Variants in DLG2 observed in about 807,000 individuals in gnomAD.
DLG2 encodes discs large MAGUK scaffold protein 2, also known as disks large homolog 2.
A neutral mutation model predicts 132.5 loss-of-function variants in DLG2; 45 were observed. That is an observed-to-expected ratio of 0.34 (90% CI 0.27 to 0.44). DLG2 has a LOEUF of 0.44. DLG2 is among the 20% of genes least tolerant of loss of function. DLG2 has a pLI of 1.00. For synonymous variants in DLG2, 424 were observed against 419.6 expected (o/e 1.01, Z -0.13); for missense variants, 1,045 against 1,196.9 (o/e 0.87, Z 1.87).
Position 83,889,862 on chromosome 11 carries a change from A to G in DLG2, c.1497-15374T>C, listed in dbSNP as rs2069182444. Among the ~76,000 whole-genome samples, 6 of 151,402 alleles carry G rather than the reference A, an allele frequency of 4.0e-5. No homozygotes were observed. In the South Asian group the frequency reaches 1.3e-3, roughly 32 times the overall value. On this transcript the variant is annotated intron_variant, in intron 15 of 27. Transcript: ENST00000376104. ...ATTCTCAGTAAACTATCGCAAGAAC[A>G]AAAAACCAAATACCGCATATTCTCA...
chr11:85,428,519 G>A (rs1448537840), intron 3 of DLG2, among the ~76,000 whole-genome samples: 1 of 152,210 alleles, frequency 6.6e-6, no homozygotes, highest in Non-Finnish European at 1.5e-5. Flanking sequence ...ACCTGCTCCT[G>A]TATGACTACT....
At chr11:84,606,790 G>T (rs1188257273) in intron 6 of DLG2, among the ~76,000 whole-genome samples, 1 of 152,018 alleles carries the variant, frequency 6.6e-6, no homozygotes, top group Non-Finnish European at 1.5e-5. Context: ...GAAGAAAAAG[G>T]TCATAGGAGA....
chr11:85,381,835 ATAAAG>A (rs938839992), intron 3 of DLG2, among the ~76,000 whole-genome samples: 5 of 152,182 alleles, frequency 3.3e-5, no homozygotes, highest in African/African-American at 9.6e-5. Context: ...CATTGTTGAA[ATAAAG>A]TAAAGATATA....
intron 9 of DLG2, among the ~76,000 whole-genome samples, chr11:84,125,341 T>C (rs2094126411): frequency 6.6e-6 from 1 of 152,182 alleles, no homozygotes; most frequent in African/African-American, 2.4e-5. Context: ...TTATGTAGCA[T>C]GGACCATAAC....
intron 18 of DLG2, among the ~76,000 whole-genome samples, chr11:83,736,927 G>C (rs2091975338): frequency 6.6e-6 from 1 of 152,060 alleles, no homozygotes; most frequent in Non-Finnish European, 1.5e-5. Flanking sequence ...ACAGAATTTG[G>C]GACACTGTGG....
At position 85,109,881 on chromosome 11, in the gene DLG2, C is replaced by A. The variant is rs151325042; in HGVS notation, c.357+1780G>T. Among the ~76,000 whole-genome samples the A allele has an allele frequency of 1.9e-4, 29 of 152,190 alleles. No individual in the cohort carries two copies. The East Asian group carries it at 5.2e-3, about 27-fold the overall frequency. On this transcript the variant is annotated intron_variant, in intron 6 of 27. Transcript: ENST00000376104. ...GAATGATGAAGAGGAGAAATAGAAA[C>A]TACCAGCCTAAGAGGGTAAAATACC... is the stretch of plus-strand genomic sequence containing the variant.
intron 16 of DLG2, among the ~76,000 whole-genome samples, chr11:83,863,607 T>C (rs1289024940): frequency 2.6e-5 from 4 of 152,124 alleles, no homozygotes; most frequent in African/African-American, 9.7e-5. Flanking sequence ...TCCCTACTTG[T>C]ATCTACTGTT....
chr11:84,779,196 A>ATG (rs1555217700), intron 6 of DLG2, among the ~76,000 whole-genome samples: 208 of 94,058 alleles, frequency 2.2e-3, no homozygotes, highest in Middle Eastern at 6.4e-3. Flanking sequence ...ATATGTGCGC[A>ATG]CACACACACA....
chr11:84,384,439 G>A (rs1429784186), intron 7 of DLG2, among the ~76,000 whole-genome samples: 2 of 152,068 alleles, frequency 1.3e-5, no homozygotes, highest in Non-Finnish European at 2.9e-5. Context: ...GTCGAAGATA[G>A]TTGGGATAGT....
chr11:84,903,715 T>C (rs1341126561), intron 6 of DLG2, among the ~76,000 whole-genome samples: 1 of 152,166 alleles, frequency 6.6e-6, no homozygotes, highest in Non-Finnish European at 1.5e-5. Flanking sequence ...GTTCTTTCTC[T>C]ACTTCAAAAA....
chr11:84,234,170 T>G (rs2097129818), intron 8 of DLG2, among the ~76,000 whole-genome samples: 1 of 152,142 alleles, frequency 6.6e-6, no homozygotes, highest in Non-Finnish European at 1.5e-5. Context: ...GGGGAAGAGA[T>G]GCAAGACCCT....
chr11:83,898,211 A>C (rs1195127425), intron 15 of DLG2, among the ~76,000 whole-genome samples: 1 of 152,162 alleles, frequency 6.6e-6, no homozygotes. Flanking sequence ...ATAAATATAT[A>C]TTTATAAACA....
At chr11:84,679,249 T>TA (rs769593991) in intron 6 of DLG2, among the ~76,000 whole-genome samples, 10 of 152,056 alleles carry the variant, frequency 6.6e-5, no homozygotes, top group Non-Finnish European at 1.5e-4. Flanking sequence ...CTGCAGAATA[T>TA]AATGATTGAT....
intron 6 of DLG2, among the ~76,000 whole-genome samples, chr11:84,746,443 T>TA (rs35862778): frequency 0.46 from 67,253 of 144,912 alleles, 15,983 homozygotes; most frequent in Non-Finnish European, 0.55. Context: ...TAGACTTGAT[T>TA]AAAAAAAAAA....
At chr11:84,080,297 G>T (rs1284558249) in intron 10 of DLG2, among the ~76,000 whole-genome samples, 1 of 152,130 alleles carries the variant, frequency 6.6e-6, no homozygotes, top group Non-Finnish European at 1.5e-5. Context: ...CAATGACAGT[G>T]AATCAGCTTA....
intron 6 of DLG2, among the ~76,000 whole-genome samples, chr11:85,004,302 TC>T (rs1201816203): frequency 1.3e-5 from 2 of 152,210 alleles, no homozygotes; most frequent in East Asian, 3.8e-4. Context: ...CAAACTGCCT[TC>T]CACAACGGTT....
At chr11:83,985,839 A>C (rs1162711718) in intron 11 of DLG2, among the ~76,000 whole-genome samples, 1 of 152,046 alleles carries the variant, frequency 6.6e-6, no homozygotes, top group East Asian at 1.9e-4. Context: ...TATCTTTATA[A>C]TAGAATGATA....
intron 6 of DLG2, among the ~76,000 whole-genome samples, chr11:84,623,290 A>C (rs1019090303): frequency 6.6e-6 from 1 of 152,162 alleles, no homozygotes; most frequent in Non-Finnish European, 1.5e-5. Context: ...GGGAAACGGC[A>C]GACCTTCTGA....
intron 10 of DLG2, among the ~76,000 whole-genome samples, chr11:84,066,285 T>C (rs968129589): frequency 6.6e-6 from 1 of 152,204 alleles, no homozygotes; most frequent in Admixed American, 6.5e-5. Flanking sequence ...TAAGTCTTGT[T>C]TGATGAAGTA....
Sources: allele counts gnomAD v4.1 joint callset (sites outside exome capture counted in the v4.1 genomes callset), GRCh38; gene constraint gnomAD v4.1.1; transcripts MANE v1.5; gene names NCBI Gene and HGNC (gene_info 2026-07-23, HGNC 2026-07-21).